The following FCHO2 variants were observed in gnomAD, a reference collection of about 807,000 sequenced individuals.
The protein encoded by FCHO2 is FCH and mu domain containing endocytic adaptor 2.
Under a neutral mutation model 114.1 loss-of-function variants are expected in FCHO2, and 43 were observed. The ratio of observed to expected loss-of-function variants is 0.38; its 90% CI spans 0.30 to 0.49. FCHO2 has a LOEUF of 0.49. FCHO2 is among the 20% of genes least tolerant of loss of function. The probability of loss-of-function intolerance (pLI) is 0.97; values close to 1 mark genes in which losing one functional copy is unlikely to be tolerated. For synonymous variants in FCHO2, 293 were observed against 315.2 expected, an observed-to-expected ratio of 0.93 and a Z score of 0.75; for missense variants, 807 against 950.4, an observed-to-expected ratio of 0.85 and a Z score of 1.98.
At position 72,972,627 on chromosome 5, in the gene FCHO2, T is replaced by C. The variant is rs574074681; in HGVS notation, c.125+4038T>C. Among the ~76,000 whole-genome samples, 191 of 152,296 alleles carry C rather than the reference T, an allele frequency of 1.3e-3. 1 individual carries two copies. The highest frequency in any genetic ancestry group is 3.1e-3 in the Admixed American group (48 of 15,292). On this transcript the variant is annotated intron_variant, in intron 2 of 25. Transcript: ENST00000430046. ...CTGAGACAATGGGGTTTTCTAGATA[T>C]ACAATCATGCCATCTGCAAACAAGG...
chr5:73,083,880 G>A (rs1397917387), intron 24 of FCHO2, among the ~76,000 whole-genome samples: 2 of 132,980 alleles, frequency 1.5e-5, no homozygotes, highest in African/African-American at 2.8e-5. Flanking sequence ...GTGACAGAGT[G>A]AGACTCTGTC....
chr5:73,009,675 T>A (rs1754896426), intron 6 of FCHO2, among the ~76,000 whole-genome samples: 1 of 152,196 alleles, frequency 6.6e-6, no homozygotes, highest in Non-Finnish European at 1.5e-5. Context: ...TAACTGGGAC[T>A]GCAGGTGTGC....
At chr5:73,053,832 G>C (rs1243507099) in intron 13 of FCHO2, among the ~76,000 whole-genome samples, 2 of 152,056 alleles carry the variant, frequency 1.3e-5, no homozygotes, top group Non-Finnish European at 2.9e-5. Flanking sequence ...AGGAATATAT[G>C]GGTAGTGAGA....
At chr5:73,057,976 T>TA (rs1470453980) in intron 16 of FCHO2, among the ~76,000 whole-genome samples, 3 of 152,130 alleles carry the variant, frequency 2.0e-5, no homozygotes, top group African/African-American at 7.2e-5. Flanking sequence ...TTTCTACACA[T>TA]ATACTACTGA....
At chr5:73,028,491 C>T (rs1290691110) in intron 8 of FCHO2, among the ~76,000 whole-genome samples, 2 of 151,952 alleles carry the variant, frequency 1.3e-5, no homozygotes, top group Admixed American at 6.6e-5. Context: ...AACAGATGAA[C>T]GGATAAACAA....
In FCHO2 at chr5:72,986,254, T is replaced by C. The variant is rs189475125; in HGVS notation, c.126-3173T>C. On this transcript the variant is annotated intron_variant, in intron 2 of 25. Transcript: ENST00000430046. ...CTGTAATTTGCATTTTTTTTTTCTT[T>C]TTTGCAAATTTGGTGTGCTTTCCTC... Among the ~76,000 whole-genome samples the C allele has an allele frequency of 3.3e-4, 51 of 152,294 alleles. No individual in the cohort carries two copies. The East Asian group carries it at 8.5e-3, about 25-fold the overall frequency.
chr5:72,997,536 C>A, intron 5 of FCHO2: 2 of 1,344,144 alleles, frequency 1.5e-6, no homozygotes, highest in Non-Finnish European at 2.1e-6. Flanking sequence ...TTCAGTGACC[C>A]CAGTGACACA....
At chr5:72,973,274 A>G (rs1752671014) in intron 2 of FCHO2, among the ~76,000 whole-genome samples, 2 of 152,262 alleles carry the variant, frequency 1.3e-5, no homozygotes, top group South Asian at 4.1e-4. Flanking sequence ...TTCAGAAGGA[A>G]TGGTACCAGT....
chr5:73,061,105 G>A (rs951400054), intron 17 of FCHO2, among the ~76,000 whole-genome samples: 9 of 151,790 alleles, frequency 5.9e-5, no homozygotes, highest in Non-Finnish European at 4.4e-5. Context: ...TACTTCCTGG[G>A]GGCAGTTTTA....
chr5:72,975,445 G>A (rs1025182767), intron 2 of FCHO2, among the ~76,000 whole-genome samples: 1 of 152,086 alleles, frequency 6.6e-6, no homozygotes, highest in African/African-American at 2.4e-5. Context: ...TTGTGCCTCA[G>A]CCTCCCAAGT....
intron 17 of FCHO2, among the ~76,000 whole-genome samples, chr5:73,059,490 G>GT (rs1011975440): frequency 6.6e-6 from 1 of 152,030 alleles, no homozygotes; most frequent in Non-Finnish European, 1.5e-5. Flanking sequence ...TAAAGCCATT[G>GT]TTCTATCTGT....
chr5:73,011,914 A>G (rs1021322575), intron 6 of FCHO2, among the ~76,000 whole-genome samples: 1 of 147,926 alleles, frequency 6.8e-6, no homozygotes, highest in Non-Finnish European at 1.5e-5. Flanking sequence ...CATCTCAGGA[A>G]AAAAAAAAAA....
chr5:73,000,841 C>T (rs1478808651), intron 5 of FCHO2, among the ~76,000 whole-genome samples: 1 of 152,064 alleles, frequency 6.6e-6, no homozygotes, highest in East Asian at 1.9e-4. Flanking sequence ...TTCCTAGTCT[C>T]AAGCCATCTT....
chr5:73,021,055 T>C, intron 8 of FCHO2: 1 of 961,616 alleles, frequency 1.0e-6, no homozygotes, highest in Non-Finnish European at 1.7e-6. Context: ...GAAGTTTACC[T>C]GGTCCTCTCC....
At chr5:73,079,265 A>G (rs1743016348) in intron 22 of FCHO2, among the ~76,000 whole-genome samples, 1 of 152,144 alleles carries the variant, frequency 6.6e-6, no homozygotes, top group Non-Finnish European at 1.5e-5. Context: ...GCTCCTGGCA[A>G]GAAATGTTTT....
Position 73,020,912 on chromosome 5 carries a change from C to T in FCHO2, c.796+3604C>T, listed in dbSNP as rs541561616. 139 of 1,347,400 alleles carry T rather than the reference C, an allele frequency of 1.0e-4. 2 individuals are homozygous for T. The South Asian group carries it at 1.2e-3, about 11-fold the overall frequency. 83.5% of individuals were successfully genotyped at this position (1,347,400 alleles called of 1,614,324 possible). On this transcript the variant is annotated intron_variant, in intron 8 of 25. Transcript: ENST00000430046. ...CCACGGGAGAGCTTATCATCTTTAT[C>T]GAAATCATATAGTCGAAAAGCAAAC...
rs748139714 is a variant in FCHO2 at position 72,990,597 on chromosome 5, A to G, written c.320A>G (p.Glu107Gly). 9.1e-6 allele frequency: 14 copies of G among 1,533,836 alleles called. No individual in the cohort carries two copies. The Admixed American group carries it at 2.4e-4, about 26-fold the overall frequency. ...AAGGAAGTTCAGAAGTATGGAGAAG[A>G]ACAAGTAAAGTCTCATAAAAAGGTA... Reference protein sequence around the residue: ...LIKEVQKYGEEQVKSHKKTKE... With the variant: ...LIKEVQKYGEGQVKSHKKTKE... Residue 107 changes from glutamate (E) to glycine (G), a missense_variant, in exon 4 of 26, where the codon GAA becomes GGA. Physicochemically the swap from Glu to Gly is moderately conservative, Grantham distance 98. Transcript: ENST00000430046.
At chr5:73,019,371 C>T (rs1755483447) in intron 8 of FCHO2, among the ~76,000 whole-genome samples, 1 of 151,986 alleles carries the variant, frequency 6.6e-6, no homozygotes, top group South Asian at 2.1e-4. Flanking sequence ...CATGGTGAAA[C>T]CCTCTACTGA....
At position 73,050,874 on chromosome 5, in the gene FCHO2, G is replaced by A. The variant is rs1205687693; in HGVS notation, c.940-475G>A. ...TTATGGCATGTTGGCAGACATTGAT[G>A]GTTTGTCTTAGATAGTTTTACTAGT... On this transcript the variant is annotated intron_variant, in intron 11 of 25. Transcript: ENST00000430046. 2.0e-5 allele frequency among the ~76,000 whole-genome samples: 3 copies of A among 152,030 alleles called. No homozygotes were observed. In the East Asian group the frequency reaches 5.8e-4, roughly 29 times the overall value.
Sources: gnomAD v4.1 joint callset for allele counts (sites outside exome capture counted in the v4.1 genomes callset) on GRCh38, gnomAD v4.1.1 for gene constraint, MANE v1.5 for transcripts, NCBI Gene and HGNC (gene_info 2026-07-23, HGNC 2026-07-21) for gene names.